AATK: variants seen among roughly 807,000 people sequenced by gnomAD.
AATK encodes the protein lemur tail kinase 1.
AATK carries 91 observed loss-of-function variants against 114.3 expected under a neutral mutation model. The ratio of observed to expected loss-of-function variants is 0.80; its 90% confidence interval spans 0.67 to 0.95. The LOEUF (loss-of-function observed/expected upper bound fraction) is 0.95, where lower values mean the gene tolerates loss of function less well. AATK is among the 40% of genes least tolerant of loss of function. AATK has a pLI of 0.00. For synonymous variants in AATK, 1,075 were observed against 916.5 expected, an observed-to-expected ratio of 1.17 and a Z score of -3.12; for missense variants, 2,176 against 1,965.2, an observed-to-expected ratio of 1.11 and a Z score of -2.03.
At chr17:81,150,453 C>G (rs956210862) in intron 1 of AATK, among the ~76,000 whole-genome samples, 1 of 149,276 alleles carries the variant, frequency 6.7e-6, no homozygotes, top group Non-Finnish European at 1.5e-5. Context: ...CCTCAGTACC[C>G]CCGGCAGCTC....
intron 1 of AATK, among the ~76,000 whole-genome samples, chr17:81,141,030 G>A (rs886331935): frequency 9.0e-5 from 11 of 122,704 alleles, no homozygotes; most frequent in East Asian, 2.2e-4. Context: ...CGTGGGGACC[G>A]TGGGGACCAT....
chr17:81,129,016 G>A (rs765228984), intron 3 of AATK: 32 of 679,382 alleles, frequency 4.7e-5, no homozygotes, highest in African/African-American at 2.3e-4. Flanking sequence ...GCACGGCCCC[G>A]CACGGAGCAC....
chr17:81,127,056 G>C (rs894789934), intron 6 of AATK, among the ~76,000 whole-genome samples: 1 of 149,412 alleles, frequency 6.7e-6, no homozygotes, highest in East Asian at 2.0e-4. Flanking sequence ...GGAAGGGGGT[G>C]GGGGGCAGGT....
Position 81,122,169 on chromosome 17 carries a change from G to A in AATK, c.1767C>T (p.Gly589=). 2.0e-6 allele frequency: 3 copies of A among 1,513,758 alleles called. No homozygotes were observed. The highest frequency in any genetic ancestry group is 2.7e-6 in the Non-Finnish European group (3 of 1,132,022). 93.8% of individuals were successfully genotyped at this position (1,513,758 alleles called of 1,614,324 possible). The stretch of plus-strand genomic sequence containing the variant: ...TTCTGCGAGGGTAGTGGTCGCCGCG[G>A]CCCCAGGGGACGTCGACGGGTGGCC... ...GHGPPVDVPW[G]RGDHYPRRSL... Residue 589 remains glycine, a synonymous_variant, in exon 11 of 14, where the codon GGC becomes GGT. Coordinates refer to ENST00000326724, the MANE Select transcript of AATK (RefSeq NM_001080395.3).
chr17:81,143,845 G>T (rs1369954850), intron 1 of AATK, among the ~76,000 whole-genome samples: 3 of 152,256 alleles, frequency 2.0e-5, no homozygotes, highest in Admixed American at 1.3e-4. Flanking sequence ...CACCCGTCGG[G>T]TGTGCCTGGC....
chr17:81,120,166 C>A (rs1385780888), intron 11 of AATK, 35 bp downstream of exon 11: 2 of 1,533,558 alleles, frequency 1.3e-6, no homozygotes, highest in Admixed American at 4.0e-5. Flanking sequence ...GCGCGACCCC[C>A]AGCCCCGGGC....
At chr17:81,142,267 CT>C (rs1261848848) in intron 1 of AATK, among the ~76,000 whole-genome samples, 1 of 148,024 alleles carries the variant, frequency 6.8e-6, no homozygotes, top group Admixed American at 6.7e-5. Context: ...TCTTTTTTTT[CT>C]TTTTTCTTTT....
Position 81,124,731 on chromosome 17 carries a change from C to T in AATK, c.958G>A (p.Val320Met). The change falls in exon 9 of 14, where the codon GTG (valine) becomes ATG (methionine). Residue 320 changes from valine to methionine, a missense_variant. Physicochemically the swap from Val to Met is conservative, Grantham distance 21. Coordinates refer to ENST00000326724, the MANE Select transcript of AATK (RefSeq NM_001080395.3). ...LVVDQTKSGNVWSLGVTIWEL... is the reference protein window; with the variant it reads ...LVVDQTKSGNMWSLGVTIWEL... ...TGCCACCAGGGCCGCACTCACCACA[C>T]ATTCCCGCTCTTGGTCTGGTCCACG... The T allele has an allele frequency of 1.2e-6, 2 of 1,612,712 alleles. No individual in the cohort carries two copies. Among genetic ancestry groups the T allele is most frequent in the East Asian group, 4.5e-5 (2 of 44,862 alleles).
rs2060579501 is a variant in AATK, at chr17:81,117,509, T to TGCCCC, written c.*888_*892dup. The TGCCCC allele has an allele frequency of 6.6e-6, 1 of 152,346 alleles. No homozygotes were observed. Among genetic ancestry groups the TGCCCC allele is most frequent in the Admixed American group, 6.5e-5 (1 of 15,286 alleles). The allele number at this position is 152,346 out of a possible 1,614,324, so 9.4% of individuals were successfully genotyped here. A position where few individuals can be genotyped will look rare whatever the true frequency, so the allele number is the denominator to read the frequency against. ...TACAAAAATATTCCCTGTGCTGCCC[T>TGCCCC]GCCCCCAGCTCCACCCCTTCCCCAC... is the stretch of plus-strand genomic sequence containing the variant. On this transcript the variant is annotated 3_prime_UTR_variant, in exon 14 of 14. Coordinates refer to ENST00000326724, the MANE Select transcript of AATK (RefSeq NM_001080395.3).
Position 81,122,640 on chromosome 17 carries a change from C to T in AATK, c.1296G>A (p.Gly432=), listed in dbSNP as rs1460628423. The T allele has an allele frequency of 2.4e-5, 35 of 1,434,856 alleles. No homozygotes were observed. Among genetic ancestry groups the T allele is most frequent in the Non-Finnish European group, 3.1e-5 (34 of 1,090,234 alleles). 88.9% of individuals were successfully genotyped at this position (1,434,856 alleles called of 1,614,324 possible). Residue 432 remains glycine (G), a synonymous_variant, in exon 11 of 14, where the codon GGG becomes GGA. Transcript: ENST00000326724. ...GGVGPGPGAA[G]PMLGGVVELA... is the part of the protein sequence containing the mutation. ...GCTCCACCACGCCGCCCAGCATGGG[C>T]CCCGCCGCACCGGGCCCGGGCCCCA...
Position 81,126,698 on chromosome 17 carries a change from G to A in AATK, c.622-138C>T. ...GCTGCCCAGAGCAGCCTCGTGCCCT[G>A]CACAGTGGCCAGCACCCAGCAGTTC... On this transcript the variant is annotated intron_variant, in intron 6 of 13. Transcript: ENST00000326724. The surrounding 1 kb of genome is among the most constrained non-coding windows in gnomAD (Gnocchi z 5.1). 7.0e-7 allele frequency: 1 copy of A among 1,435,876 alleles called. No homozygotes were observed. The highest frequency in any genetic ancestry group is 9.1e-7 in the Non-Finnish European group (1 of 1,095,034). The allele number at this position is 1,435,876 out of a possible 1,614,324, so 88.9% of individuals were successfully genotyped here.
In AATK at chr17:81,136,650, G is replaced by A. The variant is rs573698025; in HGVS notation, c.56-2149C>T. ...GAAGGCCCAGGTCCCAGTGCTGGGC[G>A]GCCATGGGGGGTCATTCAGCACCAC... On this transcript the variant is annotated intron_variant, in intron 1 of 13. Transcript: ENST00000326724. Among the ~76,000 whole-genome samples the A allele has an allele frequency of 5.9e-5, 9 of 152,316 alleles. No homozygotes were observed. The East Asian group carries it at 7.7e-4, about 13-fold the overall frequency.
chr17:81,149,879 G>A (rs1049122582), intron 1 of AATK, among the ~76,000 whole-genome samples: 1 of 152,162 alleles, frequency 6.6e-6, no homozygotes, highest in African/African-American at 2.4e-5. Flanking sequence ...TACCTGGAGG[G>A]GCATGTCCCT....
At chr17:81,158,150 G>A (rs2061389200) in intron 1 of AATK, among the ~76,000 whole-genome samples, 1 of 152,190 alleles carries the variant, frequency 6.6e-6, no homozygotes, top group South Asian at 2.1e-4. Context: ...GCCCGTCACA[G>A]AAGGAAAAAT....
intron 2 of AATK, chr17:81,131,777 CA>C: frequency 8.2e-7 from 1 of 1,222,666 alleles, no homozygotes; most frequent in Non-Finnish European, 1.1e-6. Flanking sequence ...GGAATTCCAT[CA>C]CCCCCTGCCC....
chr17:81,126,509 G>C lies in AATK; in HGVS notation c.673C>G (p.Pro225Ala), dbSNP rs756683053. Residue 225 changes from proline to alanine, a missense_variant, in exon 7 of 14, where the codon CCC (proline) becomes GCC (alanine). Physicochemically the swap from Pro to Ala is conservative, Grantham distance 27 (BLOSUM62 -1). Coordinates refer to ENST00000326724, the MANE Select transcript of AATK (RefSeq NM_001080395.3). This position sits in a 1 kb window ranked among gnomAD's most constrained non-coding sequence, Gnocchi z 5.1. ...RSCRVAESMAPDPRTLQRMAC... is the reference protein window; with the variant it reads ...RSCRVAESMAADPRTLQRMAC... ...ATGCGCTGCAGGGTCCGGGGGTCGG[G>C]AGCCATGGACTCCGCCACCCGGCAG... The C allele has an allele frequency of 4.5e-6, 7 of 1,550,784 alleles. No homozygotes were observed. The South Asian group carries it at 8.3e-5, about 18-fold the overall frequency.
At chr17:81,156,178 CTGTTACAATGTATGTTAT>C (rs1232960230) in intron 1 of AATK, among the ~76,000 whole-genome samples, 3 of 7,740 alleles carry the variant, frequency 3.9e-4, no homozygotes, top group African/African-American at 7.0e-4. Context: ...ATGTATGTTA[CTGTTACAATGTATGTTAT>C]CATGTTACAA....
At chr17:81,135,596 C>T (rs1278687459) in intron 1 of AATK, among the ~76,000 whole-genome samples, 1 of 152,166 alleles carries the variant, frequency 6.6e-6, no homozygotes, top group Non-Finnish European at 1.5e-5. Flanking sequence ...ACTGGACGAG[C>T]CAAGAAACAG....
In AATK at chr17:81,121,017, G is replaced by C; in HGVS notation, c.2919C>G (p.Pro973=). 1 of 1,609,844 alleles carries C rather than the reference G, an allele frequency of 6.2e-7. No individual in the cohort carries two copies. The highest frequency in any genetic ancestry group is 8.5e-7 in the Non-Finnish European group (1 of 1,178,780). Residue 973 remains proline (P), a synonymous_variant, in exon 11 of 14, where the codon CCC becomes CCG. Coordinates refer to ENST00000326724, the MANE Select transcript of AATK (RefSeq NM_001080395.3). ...AGGTGGAGAGCCGTGTCTCGGGCCC[G>C]GGGCCCTCACCCTCTGAGGCCAGCT... ...FAELASEGEG[P]GPETRLSTSL... is the part of the protein sequence containing the mutation.
Sources: gnomAD v4.1 joint callset for allele counts (sites outside exome capture counted in the v4.1 genomes callset) on GRCh38, gnomAD v4.1.1 for gene constraint, Gnocchi (gnomAD v3.1) non-coding constraint, MANE v1.5 for transcripts, NCBI Gene and HGNC (gene_info 2026-07-23, HGNC 2026-07-21) for gene names.